The following KIF16B variants were observed in gnomAD, a reference collection of about 807,000 sequenced individuals.
KIF16B encodes kinesin-like protein KIF16B.
Under a neutral mutation model 156.3 loss-of-function variants are expected in KIF16B, and 98 were observed. That is an observed-to-expected ratio of 0.63 (90% CI 0.53 to 0.74). The LOEUF (loss-of-function observed/expected upper bound fraction) is 0.74, where lower values mean the gene tolerates loss of function less well. Among genes scored for constraint, KIF16B ranks in the 30% least tolerant of loss-of-function variants. KIF16B has a pLI of 0.00. For missense variants in KIF16B, 1,421 were observed against 1,606.5 expected (o/e 0.88, Z 1.97); for synonymous variants, 564 against 583.7 (o/e 0.97, Z 0.49).
At position 16,329,683 on chromosome 20, in the gene KIF16B, G is replaced by T. The variant is rs1483541494; in HGVS notation, c.3711+6243C>A. Reference sequence around the variant, plus strand: ...CATACAAGGTCAATGAAGGGGAACAGAAAATGAATGCCAGAAGGAGCTATT... The same window carrying T: ...CATACAAGGTCAATGAAGGGGAACATAAAATGAATGCCAGAAGGAGCTATT... On this transcript the variant is annotated intron_variant, in intron 24 of 25. Transcript: ENST00000354981. Among the ~76,000 whole-genome samples the T allele has an allele frequency of 3.3e-5, 5 of 152,246 alleles. No individual in the cohort carries two copies. In the South Asian group the frequency reaches 1.0e-3, roughly 32 times the overall value.
chr20:16,440,537 A>ATG lies in KIF16B; in HGVS notation c.1303-10556_1303-10555insCA, dbSNP rs1568985568. 8.1e-4 allele frequency among the ~76,000 whole-genome samples: 6 copies of ATG among 7,450 alleles called. No homozygotes were observed. The South Asian group carries it at 0.033, about 41-fold the overall frequency. The allele number at this position is 7,450 out of a possible 152,430, so 4.9% of individuals were successfully genotyped here. On this transcript the variant is annotated intron_variant, in intron 12 of 25. Coordinates refer to ENST00000354981, the MANE Select transcript of KIF16B (RefSeq NM_024704.5). Reference sequence around the variant, plus strand: ...GGTTAAAACACACAAGCGCGCGCACACACACACACACACACACACACACAC... The same window carrying ATG: ...GGTTAAAACACACAAGCGCGCGCACATGCACACACACACACACACACACACAC...
At chr20:16,513,150 T>C (rs977665984) in intron 4 of KIF16B, among the ~76,000 whole-genome samples, 1 of 152,184 alleles carries the variant, frequency 6.6e-6, no homozygotes, top group African/African-American at 2.4e-5. Flanking sequence ...TATACGGTTA[T>C]CAGTTGTTAG....
chr20:16,294,860 G>A (rs1170065991), intron 25 of KIF16B, among the ~76,000 whole-genome samples: 3 of 152,084 alleles, frequency 2.0e-5, no homozygotes, highest in Non-Finnish European at 2.9e-5. Flanking sequence ...TCATGAGGGT[G>A]CCTCTGTTAG....
rs879641229 is a variant in KIF16B, at chr20:16,440,562, C to T, written c.1303-10580G>A. On this transcript the variant is annotated intron_variant, in intron 12 of 25. Transcript: ENST00000354981. ...ACACACACACACACACACACACACACACACACACACACACACACACACAGG... is the reference window on the plus strand; with the variant it reads ...ACACACACACACACACACACACACATACACACACACACACACACACACAGG... Among the ~76,000 whole-genome samples, 202 of 100,668 alleles carry T rather than the reference C, an allele frequency of 2.0e-3. 1 individual carries two copies. The highest frequency in any genetic ancestry group is 4.2e-3 in the Non-Finnish European group (187 of 44,248). The allele number at this position is 100,668 out of a possible 152,430, so 66.0% of individuals were successfully genotyped here. A position where few individuals can be genotyped will look rare whatever the true frequency, so the allele number is the denominator to read the frequency against.
intron 1 of KIF16B, among the ~76,000 whole-genome samples, chr20:16,572,501 A>G (rs901594217): frequency 4.6e-5 from 7 of 152,274 alleles, no homozygotes; most frequent in African/African-American, 1.7e-4. Flanking sequence ...ACTTTTCCAA[A>G]GAAACTTTCT....
At chr20:16,562,240 TTGTACCATAGTGC>T (rs1216580033) in intron 1 of KIF16B, among the ~76,000 whole-genome samples, 14 of 152,332 alleles carry the variant, frequency 9.2e-5, no homozygotes, top group African/African-American at 3.4e-4. Flanking sequence ...CAGTAAAGTG[TTGTACCATAGTGC>T]TGTACCTCCA....
rs997045581 is a variant in KIF16B at position 16,562,330 on chromosome 20, A to T, written c.47+10899T>A. Among the ~76,000 whole-genome samples, 7 of 152,180 alleles carry T rather than the reference A, an allele frequency of 4.6e-5. No homozygotes were observed. The East Asian group carries it at 1.4e-3, about 29-fold the overall frequency. On this transcript the variant is annotated intron_variant, in intron 1 of 25. Transcript: ENST00000354981. ...GTAATATGAAGTAATCTTAATCTTC[A>T]TTGGGAGTGTAATATTAAGTAAACT...
intron 1 of KIF16B, among the ~76,000 whole-genome samples, chr20:16,541,537 G>A (rs2070198772): frequency 6.6e-6 from 1 of 152,228 alleles, no homozygotes; most frequent in African/African-American, 2.4e-5. Context: ...ACCTCTGTCT[G>A]CCACAACAGG....
chr20:16,565,830 G>T (rs2071233165), intron 1 of KIF16B, among the ~76,000 whole-genome samples: 1 of 152,166 alleles, frequency 6.6e-6, no homozygotes, highest in Non-Finnish European at 1.5e-5. Flanking sequence ...TTTGGGAAAG[G>T]TCATTCTTCC....
intron 23 of KIF16B, among the ~76,000 whole-genome samples, chr20:16,355,786 TGAG>T (rs11470253): frequency 0.085 from 12,917 of 152,192 alleles, 603 homozygotes; most frequent in African/African-American, 0.12. Context: ...TTGAAACAAA[TGAG>T]GAGGGCTTCC....
At chr20:16,570,021 C>T (rs1041400122) in intron 1 of KIF16B, among the ~76,000 whole-genome samples, 2 of 152,030 alleles carry the variant, frequency 1.3e-5, no homozygotes, top group African/African-American at 4.8e-5. Flanking sequence ...CACAAACACA[C>T]AACTTTACTC....
chr20:16,284,168 G>C (rs6080202), intron 25 of KIF16B, among the ~76,000 whole-genome samples: 61,416 of 152,050 alleles, frequency 0.4, 12,454 homozygotes, highest in Non-Finnish European at 0.43. Context: ...CAGCCACTGG[G>C]ACAAGAACAG....
chr20:16,559,655 G>A (rs1321509506), intron 1 of KIF16B, among the ~76,000 whole-genome samples: 1 of 152,064 alleles, frequency 6.6e-6, no homozygotes, highest in East Asian at 1.9e-4. Context: ...GTGCATGATT[G>A]TAGTCCCGGC....
intron 12 of KIF16B, among the ~76,000 whole-genome samples, chr20:16,443,482 C>A (rs1172968155): frequency 6.6e-6 from 1 of 152,176 alleles, no homozygotes; most frequent in Non-Finnish European, 1.5e-5. Flanking sequence ...TTTGAGAGTT[C>A]ACACCATTTA....
intron 22 of KIF16B, among the ~76,000 whole-genome samples, chr20:16,364,054 A>G (rs1160481136): frequency 6.6e-6 from 1 of 152,202 alleles, no homozygotes; most frequent in Non-Finnish European, 1.5e-5. Flanking sequence ...TATCATACAA[A>G]GCTTTAAATC....
intron 12 of KIF16B, among the ~76,000 whole-genome samples, chr20:16,473,219 T>A (rs571209320): frequency 6.6e-6 from 1 of 152,326 alleles, no homozygotes; most frequent in Admixed American, 6.5e-5. Context: ...CAGGCCCCTC[T>A]ACTCATCAAA....
intron 12 of KIF16B, among the ~76,000 whole-genome samples, chr20:16,446,415 C>T (rs780084905): frequency 3.7e-4 from 56 of 152,256 alleles, no homozygotes; most frequent in Non-Finnish European, 5.7e-4. Context: ...TTTTAAATGT[C>T]ACTGCGTACC....
At chr20:16,352,046 G>C (rs2064348596) in intron 23 of KIF16B, among the ~76,000 whole-genome samples, 1 of 152,214 alleles carries the variant, frequency 6.6e-6, no homozygotes, top group Admixed American at 6.5e-5. Flanking sequence ...CCCTCTCCAT[G>C]GTTTGCTAGA....
chr20:16,339,003 G>A (rs1336750660), intron 23 of KIF16B, among the ~76,000 whole-genome samples: 1 of 152,216 alleles, frequency 6.6e-6, no homozygotes, highest in Non-Finnish European at 1.5e-5. Context: ...GGACAGAAGT[G>A]GAGTGGCAGA....
Sources: allele counts gnomAD v4.1 joint callset (sites outside exome capture counted in the v4.1 genomes callset), GRCh38; gene constraint gnomAD v4.1.1; transcripts MANE v1.5; gene names NCBI Gene and HGNC (gene_info 2026-07-23, HGNC 2026-07-21).